DHRSX: variants seen among roughly 807,000 people sequenced by gnomAD.
DHRSX encodes dehydrogenase/reductase X-linked.
In DHRSX, 31 loss-of-function variants were observed where a neutral mutation model predicts 34.0. That is an observed-to-expected ratio of 0.91 (90% CI 0.69 to 1.23). The LOEUF is 1.23. Ranked by LOEUF, DHRSX falls within the 50% of genes most tolerant of loss-of-function variation. The probability of loss-of-function intolerance (pLI) is 0.00; values close to 1 mark genes in which losing one functional copy is unlikely to be tolerated. For missense variants in DHRSX, 414 were observed against 428.1 expected (o/e 0.97, Z 0.29); for synonymous variants, 201 against 183.8 (o/e 1.09, Z -0.76).
At position 2,363,546 on chromosome X, in the gene DHRSX, G is replaced by T. The variant is rs773633885; in HGVS notation, c.286+45199C>A. Among the ~76,000 whole-genome samples, 391 of 134,628 alleles carry T rather than the reference G, an allele frequency of 2.9e-3. 21 individuals are homozygous for T. The highest frequency in any genetic ancestry group is 0.011 in the African/African-American group (356 of 33,776). 88.3% of individuals were successfully genotyped at this position (134,628 alleles called of 152,430 possible). On this transcript the variant is annotated intron_variant, in intron 3 of 6. Transcript: ENST00000334651. ...TATCACCGTTCTATGATATCATGCC[G>T]CCATTTTATCACTGTTCTATGGTAT...
At chrX:2,473,147 A>AT (rs200583421) in intron 1 of DHRSX, among the ~76,000 whole-genome samples, 31,231 of 152,044 alleles carry the variant, frequency 0.21, 4,278 homozygotes, top group African/African-American at 0.39. Context: ...AGCTCGCCAC[A>AT]GGGGTGACCC....
chrX:2,261,189 AAC>A (rs2124454346), intron 5 of DHRSX, among the ~76,000 whole-genome samples: 1 of 151,652 alleles, frequency 6.6e-6, no homozygotes, highest in South Asian at 2.1e-4. Flanking sequence ...CAGCCTGGGC[AAC>A]AGAGTGACAT....
intron 4 of DHRSX, among the ~76,000 whole-genome samples, chrX:2,282,394 C>CAG (rs372829654): frequency 7.8e-6 from 1 of 128,230 alleles, no homozygotes; most frequent in African/African-American, 3.0e-5. Context: ...GAGAAAGAGA[C>CAG]AGAGAGAAAG....
chrX:2,300,787 C>T (rs1279696943), intron 3 of DHRSX, among the ~76,000 whole-genome samples: 1 of 152,084 alleles, frequency 6.6e-6, no homozygotes, highest in Non-Finnish European at 1.5e-5. Context: ...AGCTATTTAT[C>T]CTGTTAGTTA....
intron 5 of DHRSX, among the ~76,000 whole-genome samples, chrX:2,249,090 A>T (rs2016371667): frequency 6.6e-6 from 1 of 152,146 alleles, no homozygotes; most frequent in African/African-American, 2.4e-5. Flanking sequence ...GAACATGGGG[A>T]AAACTGGCCA....
chrX:2,224,490 G>T (rs1367073858), intron 6 of DHRSX, among the ~76,000 whole-genome samples: 2 of 152,162 alleles, frequency 1.3e-5, no homozygotes, highest in Non-Finnish European at 2.9e-5. Context: ...TTGAAAATGA[G>T]CTTGTGATTT....
At chrX:2,306,227 A>G (rs1026393412) in intron 3 of DHRSX, among the ~76,000 whole-genome samples, 2 of 150,838 alleles carry the variant, frequency 1.3e-5, no homozygotes, top group Non-Finnish European at 3.0e-5. Flanking sequence ...TTTTTTTTGC[A>G]TCCATTCAGG....
chrX:2,383,406 C>T (rs1381425520), intron 3 of DHRSX, among the ~76,000 whole-genome samples: 1 of 151,462 alleles, frequency 6.6e-6, no homozygotes, highest in Non-Finnish European at 1.5e-5. Flanking sequence ...TCATCACCAT[C>T]ATCATCATCA....
In DHRSX at chrX:2,425,300, G is replaced by A. The variant is rs1368716583; in HGVS notation, c.114C>T (p.Phe38=). ...TAGCGACACGGTCAGGTCGTGGGGGGAAAACTGAAAAAGAAGAAGAGAAAA... is the reference window on the plus strand; with the variant it reads ...TAGCGACACGGTCAGGTCGTGGGGGAAAAACTGAAAAAGAAGAAGAGAAAA... ...RCRGGFLEPV[F]PPRPDRVAIV... is the part of the protein sequence containing the mutation. Residue 38 remains phenylalanine, a synonymous_variant, in exon 2 of 7, where the codon TTC becomes TTT. Coordinates refer to ENST00000334651, the MANE Select transcript of DHRSX (RefSeq NM_145177.3). The A allele has an allele frequency of 1.9e-6, 3 of 1,611,118 alleles. No homozygotes were observed. The highest frequency in any genetic ancestry group is 1.3e-5 in the African/African-American group (1 of 74,874).
chrX:2,472,496 C>T (rs1018692690), intron 1 of DHRSX, among the ~76,000 whole-genome samples: 1 of 151,992 alleles, frequency 6.6e-6, no homozygotes, highest in Admixed American at 6.6e-5. Flanking sequence ...AAAAAGTAGG[C>T]CAGGAGCAGT....
chrX:2,355,543 A>AAAAAAAAC (rs2042839886), intron 3 of DHRSX, among the ~76,000 whole-genome samples: 1 of 127,876 alleles, frequency 7.8e-6, no homozygotes, highest in East Asian at 2.0e-4. Context: ...AAAAAAAAAA[A>AAAAAAAAC]AAGACTATCA....
At chrX:2,302,672 T>C (rs1418433423) in intron 3 of DHRSX, among the ~76,000 whole-genome samples, 1 of 152,118 alleles carries the variant, frequency 6.6e-6, no homozygotes, top group Non-Finnish European at 1.5e-5. Flanking sequence ...CACACACTCC[T>C]GAATCAGACG....
chrX:2,472,760 A>G (rs1401701331), intron 1 of DHRSX, among the ~76,000 whole-genome samples: 4 of 152,080 alleles, frequency 2.6e-5, no homozygotes, highest in African/African-American at 9.7e-5. Context: ...CAAGAGTGCA[A>G]ATCATCTCAA....
chrX:2,339,149 T>C (rs1456680090), intron 3 of DHRSX, among the ~76,000 whole-genome samples: 1 of 152,092 alleles, frequency 6.6e-6, no homozygotes, highest in East Asian at 1.9e-4. Flanking sequence ...TTTTTATTTT[T>C]TTCTGAGACA....
intron 3 of DHRSX, among the ~76,000 whole-genome samples, chrX:2,365,475 C>G (rs1478554172): frequency 6.6e-6 from 1 of 152,100 alleles, no homozygotes; most frequent in Non-Finnish European, 1.5e-5. Context: ...TTGCTTTGAC[C>G]TTTACTTCTT....
At chrX:2,419,144 C>T (rs980887711) in intron 2 of DHRSX, among the ~76,000 whole-genome samples, 6 of 152,156 alleles carry the variant, frequency 3.9e-5, no homozygotes, top group Non-Finnish European at 8.8e-5. Flanking sequence ...GAAATTCTAA[C>T]ATCCCCAGTG....
At chrX:2,325,586 G>T (rs1007780927) in intron 3 of DHRSX, among the ~76,000 whole-genome samples, 4 of 151,922 alleles carry the variant, frequency 2.6e-5, no homozygotes. Context: ...AGCCTTTCCT[G>T]TGGGCTATGT....
chrX:2,288,005 G>C (rs2041824891), intron 4 of DHRSX, among the ~76,000 whole-genome samples: 1 of 152,180 alleles, frequency 6.6e-6, no homozygotes, highest in Admixed American at 6.5e-5. Flanking sequence ...GGCCTTTGTA[G>C]ATGTGAATTA....
chrX:2,326,335 C>T (rs1450822598), intron 3 of DHRSX, among the ~76,000 whole-genome samples: 1 of 152,110 alleles, frequency 6.6e-6, no homozygotes, highest in African/African-American at 2.4e-5. Context: ...CCAGCCTGGC[C>T]AACATAGTGA....
Sources: allele counts gnomAD v4.1 joint callset (sites outside exome capture counted in the v4.1 genomes callset), GRCh38; gene constraint gnomAD v4.1.1; transcripts MANE v1.5; gene names NCBI Gene and HGNC (gene_info 2026-07-23, HGNC 2026-07-21).